Variants in B3GAT2 observed in about 807,000 individuals in gnomAD.
The protein encoded by B3GAT2 is beta-1,3-glucuronyltransferase 2.
In B3GAT2, 26 loss-of-function variants were observed where a neutral mutation model predicts 27.8. The ratio of observed to expected loss-of-function variants is 0.93; its 90% confidence interval spans 0.68 to 1.30. The LOEUF (loss-of-function observed/expected upper bound fraction) is 1.30. Among genes scored for constraint, B3GAT2 ranks in the 50% most tolerant of loss-of-function variants. The pLI is 0.00. For synonymous variants in B3GAT2, 218 were observed against 195.1 expected (o/e 1.12, Z -0.98); for missense variants, 458 against 459.0 (o/e 1.00, Z 0.02).
chr6:70,956,768 G>T lies in B3GAT2; in HGVS notation c.-339C>A, dbSNP rs1195720015. The T allele has an allele frequency of 5.9e-6, 7 of 1,195,392 alleles. No individual in the cohort carries two copies. Among genetic ancestry groups the T allele is most frequent in the Non-Finnish European group, 7.3e-6 (7 of 960,734 alleles). 74.0% of individuals were successfully genotyped at this position (1,195,392 alleles called of 1,614,324 possible). A position where few individuals can be genotyped will look rare whatever the true frequency, so the allele number is the denominator to read the frequency against. ...CGGGAAAGGCGCTGATCCCCACCGC[G>T]CTCTTTCTGAAGAGTGGAAGCCGAG... On this transcript the variant is annotated 5_prime_UTR_variant, in exon 1 of 4. Coordinates refer to ENST00000230053, the MANE Select transcript of B3GAT2 (RefSeq NM_080742.3).
intron 2 of B3GAT2, among the ~76,000 whole-genome samples, chr6:70,876,764 AC>A (rs1772021285): frequency 1.3e-5 from 2 of 152,188 alleles, no homozygotes; most frequent in Admixed American, 1.3e-4. Flanking sequence ...GTAACACAAT[AC>A]TGAATGTGGT....
Position 70,865,366 on chromosome 6 carries a change from C to A in B3GAT2, c.737-3388G>T, listed in dbSNP as rs554293070. Among the ~76,000 whole-genome samples the A allele has an allele frequency of 5.3e-5, 8 of 152,300 alleles. No individual in the cohort carries two copies. In the East Asian group the frequency reaches 1.5e-3, roughly 29 times the overall value. The stretch of plus-strand genomic sequence containing the variant: ...CTCCTGACTTCAAGTTATCTGCCCC[C>A]CTCGGCCTCCTAAAGTGCTGGGATT... On this transcript the variant is annotated intron_variant, in intron 2 of 3. Transcript: ENST00000230053.
intron 1 of B3GAT2, among the ~76,000 whole-genome samples, chr6:70,917,779 T>C (rs959096037): frequency 1.3e-5 from 2 of 152,238 alleles, no homozygotes; most frequent in African/African-American, 4.8e-5. Flanking sequence ...ATGTAATTTC[T>C]GTTCTTTTAT....
Position 70,857,119 on chromosome 6 carries a change from T to C in B3GAT2, c.*4544A>G, listed in dbSNP as rs895475523. 167 of 1,321,124 alleles carry C rather than the reference T, an allele frequency of 1.3e-4. No homozygotes were observed. The highest frequency in any genetic ancestry group is 1.6e-4 in the Non-Finnish European group (159 of 986,624). The allele number at this position is 1,321,124 out of a possible 1,614,324, so 81.8% of individuals were successfully genotyped here. A position where few individuals can be genotyped will look rare whatever the true frequency, so the allele number is the denominator to read the frequency against. On this transcript the variant is annotated 3_prime_UTR_variant, in exon 4 of 4. Transcript: ENST00000230053. Reference sequence around the variant, plus strand: ...ATAAGATCAATTATATATCTTTTATTGTTCCATGTAGTGAGTGCTTTTGTT... The same window carrying C: ...ATAAGATCAATTATATATCTTTTATCGTTCCATGTAGTGAGTGCTTTTGTT...
At chr6:70,925,630 G>A (rs1269529606) in intron 1 of B3GAT2, among the ~76,000 whole-genome samples, 1 of 152,214 alleles carries the variant, frequency 6.6e-6, no homozygotes, top group Admixed American at 6.5e-5. Flanking sequence ...GCTTGACTAG[G>A]TAAACGAAGC....
In B3GAT2 at chr6:70,870,997, CTGATA is replaced by C. The variant is rs751101631; in HGVS notation, c.737-9024_737-9020del. Reference sequence around the variant, plus strand: ...TTGTCAGGTGCTTTTTCTGCATCTACTGATATAATTGTGCAGCTTTTGTTCTTTAT... The same window carrying C: ...TTGTCAGGTGCTTTTTCTGCATCTACTAATTGTGCAGCTTTTGTTCTTTAT... On this transcript the variant is annotated intron_variant, in intron 2 of 3. Transcript: ENST00000230053. Among the ~76,000 whole-genome samples the C allele has an allele frequency of 5.0e-4, 76 of 152,136 alleles. 1 individual carries two copies. The highest frequency in any genetic ancestry group is 7.8e-4 in the Non-Finnish European group (53 of 67,918).
chr6:70,885,272 T>C (rs908356965), intron 2 of B3GAT2, among the ~76,000 whole-genome samples: 1 of 152,132 alleles, frequency 6.6e-6, no homozygotes, highest in African/African-American at 2.4e-5. Flanking sequence ...GTGGTCTACA[T>C]AGACTCACCT....
rs1170837660 is a variant in B3GAT2 at position 70,861,115 on chromosome 6, G to A, written c.*548C>T. 1 of 171,220 alleles carries A rather than the reference G, an allele frequency of 5.8e-6. No homozygotes were observed. The highest frequency in any genetic ancestry group is 1.2e-5 in the Non-Finnish European group (1 of 80,736). 10.6% of individuals were successfully genotyped at this position (171,220 alleles called of 1,614,324 possible). The stretch of plus-strand genomic sequence containing the variant: ...ACAGTAATTGTGTTTACATTTTATG[G>A]TGCCTAGTATTGACAAAATGTTATT... On this transcript the variant is annotated 3_prime_UTR_variant, in exon 4 of 4. Coordinates refer to ENST00000230053, the MANE Select transcript of B3GAT2 (RefSeq NM_080742.3).
chr6:70,899,306 G>C (rs1460117764), intron 1 of B3GAT2, among the ~76,000 whole-genome samples: 7 of 152,186 alleles, frequency 4.6e-5, no homozygotes, highest in Non-Finnish European at 1.0e-4. Context: ...TTTGTCCACA[G>C]AATACAGAAT....
chr6:70,938,079 A>G (rs1359341118), intron 1 of B3GAT2, among the ~76,000 whole-genome samples: 1 of 150,428 alleles, frequency 6.6e-6, no homozygotes, highest in Non-Finnish European at 1.5e-5. Context: ...ATCAATGTAC[A>G]AAAATCACAA....
At chr6:70,955,008 A>G (rs1283375610) in intron 1 of B3GAT2, among the ~76,000 whole-genome samples, 4 of 152,008 alleles carry the variant, frequency 2.6e-5, no homozygotes, top group African/African-American at 7.2e-5. Context: ...TGGCTGCACC[A>G]GAAAGACGCA....
At chr6:70,939,908 TA>T (rs768819789) in intron 1 of B3GAT2, among the ~76,000 whole-genome samples, 11 of 151,506 alleles carry the variant, frequency 7.3e-5, no homozygotes, top group African/African-American at 1.9e-4. Context: ...AATAAAATAA[TA>T]AAAAAAATAA....
chr6:70,956,016 A>C lies in B3GAT2; in HGVS notation c.414T>G (p.Thr138=). 1 of 1,501,238 alleles carries C rather than the reference A, an allele frequency of 6.7e-7. No homozygotes were observed. The highest frequency in any genetic ancestry group is 2.6e-5 in the East Asian group (1 of 38,272). 93.0% of individuals were successfully genotyped at this position (1,501,238 alleles called of 1,614,324 possible). Residue 138 remains threonine (T), a synonymous_variant, in exon 1 of 4, where the codon ACT becomes ACG. Coordinates refer to ENST00000230053, the MANE Select transcript of B3GAT2 (RefSeq NM_080742.3). ...GCCGCGGCGTGGGCACGTGCAGGTG[A>C]GTGCTGGGCAGCCCGGCCCGCGCCA... The part of the protein sequence containing the change: ...RFLARAGLPS[T]HLHVPTPRRY...
At chr6:70,862,151 C>G in intron 2 of B3GAT2, 173 bp from the exon 3 acceptor site, 1 of 623,168 alleles carries the variant, frequency 1.6e-6, no homozygotes, top group Non-Finnish European at 2.7e-6. Flanking sequence ...AAAGGAAAAT[C>G]AGTCATTACA....
chr6:70,915,955 A>C (rs1243508765), intron 1 of B3GAT2, among the ~76,000 whole-genome samples: 2 of 152,154 alleles, frequency 1.3e-5, no homozygotes, highest in Non-Finnish European at 2.9e-5. Context: ...TGATAGCTTG[A>C]TAGGGATAGC....
chr6:70,928,067 C>T (rs926833175), intron 1 of B3GAT2, among the ~76,000 whole-genome samples: 1 of 152,104 alleles, frequency 6.6e-6, no homozygotes, highest in Non-Finnish European at 1.5e-5. Flanking sequence ...AACTGAACAA[C>T]CTGCTCCTGA....
At chr6:70,885,578 C>T (rs976562791) in intron 2 of B3GAT2, among the ~76,000 whole-genome samples, 1 of 152,116 alleles carries the variant, frequency 6.6e-6, no homozygotes, top group Non-Finnish European at 1.5e-5. Context: ...CACAGGTCCA[C>T]CCGCCAGAAG....
intron 2 of B3GAT2, among the ~76,000 whole-genome samples, chr6:70,865,671 A>G (rs748456557): frequency 6.6e-6 from 1 of 152,174 alleles, no homozygotes; most frequent in Non-Finnish European, 1.5e-5. Flanking sequence ...TCCATATATG[A>G]TTACTGATTA....
At chr6:70,888,071 G>A (rs991737202) in intron 2 of B3GAT2, among the ~76,000 whole-genome samples, 4 of 152,134 alleles carry the variant, frequency 2.6e-5, no homozygotes, top group Admixed American at 1.3e-4. Context: ...CTCCTGCTTC[G>A]AGGTGGAGTG....
Sources: allele counts gnomAD v4.1 joint callset (sites outside exome capture counted in the v4.1 genomes callset), GRCh38; gene constraint gnomAD v4.1.1; transcripts MANE v1.5; gene names NCBI Gene and HGNC (gene_info 2026-07-23, HGNC 2026-07-21).